CSMD1: variants seen among roughly 807,000 people sequenced by gnomAD.
The protein encoded by CSMD1 is CUB and Sushi multiple domains 1, also known as CUB and sushi domain-containing protein 1.
In CSMD1, 213 loss-of-function variants were observed where a neutral mutation model predicts 417.5. The ratio of observed to expected loss-of-function variants is 0.51; its 90% CI spans 0.46 to 0.57. The LOEUF is 0.57. CSMD1 is among the 20% of genes least tolerant of loss of function. The pLI is 0.00. For synonymous variants in CSMD1, 2,862 were observed against 1,736.8 expected (o/e 1.65, Z -16.11); for missense variants, 6,923 against 4,529.7 (o/e 1.53, Z -15.17).
chr8:3,933,923 A>G (rs960365510), intron 5 of CSMD1, among the ~76,000 whole-genome samples: 1 of 152,066 alleles, frequency 6.6e-6, no homozygotes, highest in Non-Finnish European at 1.5e-5. Context: ...TGGGTGAAAA[A>G]TGCGATGAAA....
At chr8:3,409,164 G>A (rs550874490) in intron 13 of CSMD1, among the ~76,000 whole-genome samples, 5 of 152,296 alleles carry the variant, frequency 3.3e-5, no homozygotes, top group African/African-American at 1.2e-4. Context: ...CGATATATGT[G>A]ATGACCCTTT....
chr8:4,903,045 AAAT>A (rs1255657504), intron 1 of CSMD1, among the ~76,000 whole-genome samples: 30 of 150,618 alleles, frequency 2.0e-4, no homozygotes, highest in African/African-American at 6.8e-4. Flanking sequence ...ATAATAAACT[AAAT>A]AATAAACTTT....
intron 26 of CSMD1, among the ~76,000 whole-genome samples, chr8:3,258,190 A>T (rs888054159): frequency 1.3e-5 from 2 of 152,214 alleles, no homozygotes; most frequent in African/African-American, 2.4e-5. Context: ...AATTTTTCCA[A>T]AATATGCATC....
intron 1 of CSMD1, among the ~76,000 whole-genome samples, chr8:4,931,864 T>A (rs1265240531): frequency 1.3e-5 from 2 of 152,178 alleles, no homozygotes; most frequent in Non-Finnish European, 2.9e-5. Context: ...TTTCAAAACT[T>A]CAAAGTTTAT....
intron 3 of CSMD1, among the ~76,000 whole-genome samples, chr8:4,068,007 G>T (rs781385292): frequency 6.6e-6 from 1 of 152,104 alleles, no homozygotes; most frequent in African/African-American, 2.4e-5. Context: ...AACCCTGAGT[G>T]GGGGCGAAGG....
At chr8:3,791,677 G>C (rs1196796532) in intron 5 of CSMD1, among the ~76,000 whole-genome samples, 1 of 152,082 alleles carries the variant, frequency 6.6e-6, no homozygotes, top group African/African-American at 2.4e-5. Flanking sequence ...ACAAAAATTA[G>C]CTGGGCACGA....
intron 12 of CSMD1, among the ~76,000 whole-genome samples, chr8:3,430,194 C>T (rs960310455): frequency 4.6e-5 from 7 of 152,118 alleles, no homozygotes; most frequent in Non-Finnish European, 7.3e-5. Flanking sequence ...CATCTTCCCT[C>T]TTTGATACAT....
At chr8:3,921,759 G>C (rs946095238) in intron 5 of CSMD1, among the ~76,000 whole-genome samples, 1 of 152,108 alleles carries the variant, frequency 6.6e-6, no homozygotes, top group African/African-American at 2.4e-5. Flanking sequence ...CCAAATATGA[G>C]TGCAATCTTC....
At chr8:4,282,170 C>A (rs1224587092) in intron 3 of CSMD1, among the ~76,000 whole-genome samples, 1 of 152,164 alleles carries the variant, frequency 6.6e-6, no homozygotes, top group African/African-American at 2.4e-5. Flanking sequence ...AAAATAACTT[C>A]TGAAGTCACG....
chr8:4,413,186 C>G (rs998176291), intron 3 of CSMD1, among the ~76,000 whole-genome samples: 1 of 152,166 alleles, frequency 6.6e-6, no homozygotes. Flanking sequence ...CTTAAATTCA[C>G]AAACATCCCA....
At chr8:3,833,122 G>A (rs1029698017) in intron 5 of CSMD1, among the ~76,000 whole-genome samples, 2 of 152,076 alleles carry the variant, frequency 1.3e-5, no homozygotes, top group East Asian at 3.9e-4. Context: ...ACTACAGGGA[G>A]CATGTCAAAC....
chr8:4,001,138 G>A (rs746763782), intron 4 of CSMD1, among the ~76,000 whole-genome samples: 1 of 151,948 alleles, frequency 6.6e-6, no homozygotes, highest in Non-Finnish European at 1.5e-5. Context: ...TATTTAAAAA[G>A]CTTTGAAATA....
intron 7 of CSMD1, among the ~76,000 whole-genome samples, chr8:3,667,889 C>G (rs1057330447): frequency 6.6e-6 from 1 of 152,096 alleles, no homozygotes; most frequent in Non-Finnish European, 1.5e-5. Context: ...CAGCCAAGGC[C>G]AGATCATCAA....
intron 5 of CSMD1, among the ~76,000 whole-genome samples, chr8:3,980,319 T>C (rs1585070876): frequency 6.6e-6 from 1 of 152,188 alleles, no homozygotes; most frequent in Non-Finnish European, 1.5e-5. Flanking sequence ...CACTGTAATA[T>C]GCGTCCGGAA....
intron 21 of CSMD1, among the ~76,000 whole-genome samples, chr8:3,353,790 C>G (rs920174508): frequency 6.6e-6 from 1 of 152,154 alleles, no homozygotes; most frequent in Admixed American, 6.5e-5. Flanking sequence ...AAATCACTTG[C>G]TGTTTTATAA....
chr8:3,655,292 G>C (rs1290328832), intron 7 of CSMD1, among the ~76,000 whole-genome samples: 1 of 152,132 alleles, frequency 6.6e-6, no homozygotes, highest in African/African-American at 2.4e-5. Context: ...GGCTATCTTT[G>C]TGCATGATCC....
At chr8:4,635,351 T>C (rs1802760567) in intron 2 of CSMD1, among the ~76,000 whole-genome samples, 1 of 152,152 alleles carries the variant, frequency 6.6e-6, no homozygotes, top group South Asian at 2.1e-4. Context: ...CCTGTTATAA[T>C]ATTGAAGATG....
At chr8:4,501,854 T>C (rs532734041) in intron 2 of CSMD1, among the ~76,000 whole-genome samples, 1 of 152,212 alleles carries the variant, frequency 6.6e-6, no homozygotes, top group African/African-American at 2.4e-5. Flanking sequence ...TATGTCTGTA[T>C]AGGAAAAAAC....
intron 3 of CSMD1, among the ~76,000 whole-genome samples, chr8:4,112,221 G>C (rs1019328406): frequency 2.0e-5 from 3 of 152,064 alleles, no homozygotes; most frequent in African/African-American, 4.8e-5. Context: ...CCTCTTTCAG[G>C]GGTGTGAAGC....
Sources: gnomAD v4.1 joint callset for allele counts (sites outside exome capture counted in the v4.1 genomes callset) on GRCh38, gnomAD v4.1.1 for gene constraint, MANE v1.5 for transcripts, NCBI Gene and HGNC (gene_info 2026-07-23, HGNC 2026-07-21) for gene names.